Variants in HACL1 observed in about 807,000 individuals in gnomAD.
The protein encoded by HACL1 is 2-hydroxyacyl-CoA lyase 1.
Under a neutral mutation model 74.2 loss-of-function variants are expected in HACL1, and 64 were observed. That is an observed-to-expected ratio of 0.86 (90% CI 0.70 to 1.06). The LOEUF (loss-of-function observed/expected upper bound fraction) is 1.06, where lower values mean the gene tolerates loss of function less well. Among genes scored for constraint, HACL1 ranks in the 50% least tolerant of loss-of-function variants. The pLI, the probability that HACL1 is intolerant of heterozygous loss-of-function variation, is 0.00. For synonymous variants in HACL1, 230 were observed against 238.8 expected (o/e 0.96, Z 0.34); for missense variants, 728 against 719.7 (o/e 1.01, Z -0.13).
At chr3:15,582,161 GT>G (rs1484607291) in intron 8 of HACL1, among the ~76,000 whole-genome samples, 2 of 152,196 alleles carry the variant, frequency 1.3e-5, no homozygotes, top group African/African-American at 4.8e-5. Flanking sequence ...AGCAGCCTCA[GT>G]TCCAGAACAC....
At chr3:15,574,412 G>A (rs765022902) in intron 10 of HACL1, among the ~76,000 whole-genome samples, 4 of 152,092 alleles carry the variant, frequency 2.6e-5, no homozygotes, top group African/African-American at 7.2e-5. Context: ...GGGCGAATCC[G>A]TGTAGGGCAA....
intron 16 of HACL1, among the ~76,000 whole-genome samples, chr3:15,561,664 T>C (rs1021027740): frequency 6.6e-6 from 1 of 152,122 alleles, no homozygotes; most frequent in Non-Finnish European, 1.5e-5. Context: ...GTGATTAACA[T>C]AGGTCTCAAG....
chr3:15,570,370 C>A (rs931800142), intron 12 of HACL1, among the ~76,000 whole-genome samples: 1 of 151,490 alleles, frequency 6.6e-6, no homozygotes, highest in Non-Finnish European at 1.5e-5. Context: ...CAATGTAAGA[C>A]AGATTCATGT....
intron 5 of HACL1, 82 bp from the exon 6 acceptor site, chr3:15,586,684 A>C: frequency 1.2e-6 from 1 of 810,240 alleles, no homozygotes; most frequent in Non-Finnish European, 2.1e-6. Flanking sequence ...TTAAGTCATT[A>C]ATTTCTTTTA....
intron 9 of HACL1, among the ~76,000 whole-genome samples, chr3:15,576,554 G>A (rs1358602360): frequency 6.6e-6 from 1 of 152,024 alleles, no homozygotes; most frequent in Admixed American, 6.6e-5. Flanking sequence ...GCCCAGTCTT[G>A]TTTTAAAGCT....
intron 11 of HACL1, 106 bp downstream of exon 11, chr3:15,573,053 G>C (rs1365102191): frequency 4.3e-6 from 3 of 691,498 alleles, no homozygotes; most frequent in African/African-American, 3.6e-5. Context: ...GTTTAAAACA[G>C]ATATGAATAG....
intron 9 of HACL1, among the ~76,000 whole-genome samples, chr3:15,578,787 G>C (rs2125252202): frequency 6.6e-6 from 1 of 152,264 alleles, no homozygotes; most frequent in African/African-American, 2.4e-5. Flanking sequence ...GAAGAGTATG[G>C]GGACAATCCC....
chr3:15,569,774 C>T lies in HACL1; in HGVS notation c.1096-1188G>A, dbSNP rs554406116. 2.6e-5 allele frequency among the ~76,000 whole-genome samples: 4 copies of T among 151,170 alleles called. No homozygotes were observed. The South Asian group carries it at 6.3e-4, about 24-fold the overall frequency. ...GGCGGAGGTTGCGGTGAGCCAAGCT[C>T]GTGTCATTGCACTCCAGCCTGGGCA... is the stretch of plus-strand genomic sequence containing the variant. On this transcript the variant is annotated intron_variant, in intron 12 of 16. Coordinates refer to ENST00000321169, the MANE Select transcript of HACL1 (RefSeq NM_012260.4).
intron 3 of HACL1, among the ~76,000 whole-genome samples, chr3:15,593,546 G>T (rs1185576878): frequency 2.0e-5 from 3 of 152,006 alleles, no homozygotes; most frequent in Non-Finnish European, 4.4e-5. Context: ...CGGATTTCTT[G>T]TGAGAAATAA....
In HACL1 at chr3:15,594,955, C is replaced by G. The variant is rs186181679; in HGVS notation, c.227+1429G>C. Reference sequence around the variant, plus strand: ...CCATCCTGGCCAACATAGTGAAACCCCATCTCTACTAAAATACAAAAATTA... The same window carrying G: ...CCATCCTGGCCAACATAGTGAAACCGCATCTCTACTAAAATACAAAAATTA... On this transcript the variant is annotated intron_variant, in intron 3 of 16. Transcript: ENST00000321169. 1.8e-3 allele frequency among the ~76,000 whole-genome samples: 274 copies of G among 152,194 alleles called. 1 individual carries two copies. Among genetic ancestry groups the G allele is most frequent in the Non-Finnish European group, 2.4e-3 (165 of 68,012 alleles).
chr3:15,589,070 T>C (rs907981721), intron 5 of HACL1, among the ~76,000 whole-genome samples: 1 of 152,248 alleles, frequency 6.6e-6, no homozygotes, highest in Non-Finnish European at 1.5e-5. Flanking sequence ...AGTTGTCTTA[T>C]AGTAGCTCAA....
chr3:15,570,811 G>A (rs2063515731), intron 12 of HACL1, among the ~76,000 whole-genome samples: 1 of 151,908 alleles, frequency 6.6e-6, no homozygotes, highest in Admixed American at 6.6e-5. Context: ...ATTTCCAGCA[G>A]TGATAAAAAT....
At chr3:15,592,075 TATACGTATATATAC>T (rs2063917699) in intron 3 of HACL1, among the ~76,000 whole-genome samples, 2 of 1,208 alleles carry the variant, frequency 1.7e-3, no homozygotes, top group South Asian at 0.083. Flanking sequence ...CGTATATACG[TATACGTATATATAC>T]ACACACTATA....
At chr3:15,589,682 C>T in intron 4 of HACL1, 70 bp from the exon 5 acceptor site, 1 of 887,990 alleles carries the variant, frequency 1.1e-6, no homozygotes, top group South Asian at 1.4e-5. Flanking sequence ...AACACAGTGT[C>T]TAATTCACAA....
At chr3:15,592,546 G>A (rs563565004) in intron 3 of HACL1, among the ~76,000 whole-genome samples, 8 of 145,150 alleles carry the variant, frequency 5.5e-5, no homozygotes, top group African/African-American at 5.1e-5. Flanking sequence ...ACACATGTAC[G>A]CACATGTGTG....
intron 9 of HACL1, among the ~76,000 whole-genome samples, chr3:15,576,871 T>C (rs969972406): frequency 2.0e-5 from 3 of 152,192 alleles, no homozygotes; most frequent in Non-Finnish European, 4.4e-5. Flanking sequence ...TTTAATATTG[T>C]ATTAGTCCTA....
intron 3 of HACL1, 29 bp downstream of exon 3, chr3:15,596,355 T>C (rs1379330159): frequency 7.9e-7 from 1 of 1,270,310 alleles, no homozygotes; most frequent in South Asian, 1.2e-5. Flanking sequence ...AATATTAAAG[T>C]AATTGAAGTG....
intron 5 of HACL1, among the ~76,000 whole-genome samples, chr3:15,586,833 GTC>G (rs1190207701): frequency 1.3e-5 from 2 of 152,060 alleles, no homozygotes; most frequent in African/African-American, 4.8e-5. Context: ...AGATGCAAAA[GTC>G]TGATAATACC....
chr3:15,583,952 C>G (rs2063752386), intron 7 of HACL1, among the ~76,000 whole-genome samples: 1 of 152,142 alleles, frequency 6.6e-6, no homozygotes, highest in African/African-American at 2.4e-5. Context: ...CCACCGCACC[C>G]AGCCCCACTA....
Sources: allele counts gnomAD v4.1 joint callset (sites outside exome capture counted in the v4.1 genomes callset), GRCh38; gene constraint gnomAD v4.1.1; transcripts MANE v1.5; gene names NCBI Gene and HGNC (gene_info 2026-07-23, HGNC 2026-07-21).